The following NRG3 variants were observed in gnomAD, a reference collection of about 807,000 sequenced individuals.
The protein encoded by NRG3 is pro-neuregulin-3, membrane-bound isoform.
Under a neutral mutation model 66.9 loss-of-function variants are expected in NRG3, and 31 were observed. That is an observed-to-expected ratio of 0.46 (90% CI 0.35 to 0.63). NRG3 has a LOEUF of 0.63. Among genes scored for constraint, NRG3 ranks in the 20% least tolerant of loss-of-function variants. The pLI, the probability that NRG3 is intolerant of heterozygous loss-of-function variation, is 0.00. For synonymous variants in NRG3, 393 were observed against 359.4 expected (o/e 1.09, Z -1.06); for missense variants, 910 against 878.9 (o/e 1.04, Z -0.45).
chr10:82,848,542 G>T (rs1306655282), intron 3 of NRG3, among the ~76,000 whole-genome samples: 1 of 152,158 alleles, frequency 6.6e-6, no homozygotes, highest in Non-Finnish European at 1.5e-5. Flanking sequence ...ACTTTGGACT[G>T]TGGACTTTTG....
chr10:82,778,219 G>A (rs1301711448), intron 3 of NRG3, among the ~76,000 whole-genome samples: 1 of 152,166 alleles, frequency 6.6e-6, no homozygotes, highest in Non-Finnish European at 1.5e-5. Flanking sequence ...GGGCTTGGAT[G>A]ATGGAATTGT....
At chr10:82,147,612 G>T (rs2070352260) in intron 1 of NRG3, among the ~76,000 whole-genome samples, 1 of 152,162 alleles carries the variant, frequency 6.6e-6, no homozygotes, top group Non-Finnish European at 1.5e-5. Flanking sequence ...TGCCCAGCCT[G>T]AGCTGCCCAA....
chr10:82,569,437 A>G (rs1205543959), intron 2 of NRG3, among the ~76,000 whole-genome samples: 2 of 151,682 alleles, frequency 1.3e-5, no homozygotes, highest in Non-Finnish European at 3.0e-5. Context: ...CTGTCTTACA[A>G]TATTGTTGGG....
In NRG3 at chr10:82,765,416, T is replaced by G. The variant is rs2059477549; in HGVS notation, c.1027+26766T>G. 5.3e-5 allele frequency among the ~76,000 whole-genome samples: 8 copies of G among 152,248 alleles called. No homozygotes were observed. The South Asian group carries it at 1.7e-3, about 32-fold the overall frequency. On this transcript the variant is annotated intron_variant, in intron 3 of 8. Transcript: ENST00000372141. Reference sequence around the variant, plus strand: ...TTACACATGATACAAATGTTAGAATTATTATAGAAATGATTATAAATAAAC... The same window carrying G: ...TTACACATGATACAAATGTTAGAATGATTATAGAAATGATTATAAATAAAC...
intron 4 of NRG3, among the ~76,000 whole-genome samples, chr10:82,892,581 G>A (rs1843256354): frequency 6.6e-6 from 1 of 151,948 alleles, no homozygotes; most frequent in South Asian, 2.1e-4. Flanking sequence ...TGGAAAGATT[G>A]CTTGAACCTA....
intron 3 of NRG3, among the ~76,000 whole-genome samples, chr10:82,776,636 T>C (rs565904926): frequency 7.2e-4 from 110 of 152,140 alleles, no homozygotes; most frequent in African/African-American, 2.5e-3. Context: ...ATTTTTTTTC[T>C]CTCCGGGTTA....
chr10:82,324,084 C>G (rs1356876511), intron 1 of NRG3, among the ~76,000 whole-genome samples: 1 of 152,126 alleles, frequency 6.6e-6, no homozygotes, highest in Non-Finnish European at 1.5e-5. Context: ...AGGCTGGTGT[C>G]TAACTCCTGA....
chr10:82,951,757 T>A (rs898875068), intron 5 of NRG3, among the ~76,000 whole-genome samples, 186 bp downstream of exon 5: 2 of 152,208 alleles, frequency 1.3e-5, no homozygotes, highest in Non-Finnish European at 2.9e-5. Context: ...CATGCATGTA[T>A]GTGATGTGTA....
chr10:82,835,247 A>T (rs2062716295), intron 3 of NRG3, among the ~76,000 whole-genome samples: 1 of 152,100 alleles, frequency 6.6e-6, no homozygotes, highest in Non-Finnish European at 1.5e-5. Flanking sequence ...GATGTCCTGC[A>T]TGCTTTTATA....
chr10:82,310,658 T>C (rs1195725265), intron 1 of NRG3, among the ~76,000 whole-genome samples: 1 of 152,160 alleles, frequency 6.6e-6, no homozygotes, highest in Non-Finnish European at 1.5e-5. Context: ...CAATCATTTT[T>C]TTTTCATTGC....
At chr10:82,984,830 G>A (rs1349521260) in intron 8 of NRG3, 1 of 1,538,260 alleles carries the variant, frequency 6.5e-7, no homozygotes, top group Non-Finnish European at 8.8e-7. Flanking sequence ...CAGCTGTGGT[G>A]TGTTGAAAGA....
At chr10:82,478,930 T>TTTTTAA (rs1842007776) in intron 2 of NRG3, among the ~76,000 whole-genome samples, 1 of 152,232 alleles carries the variant, frequency 6.6e-6, no homozygotes, top group African/African-American at 2.4e-5. Flanking sequence ...CTTTTGACTC[T>TTTTTAA]ATCTGCTTTT....
intron 1 of NRG3, among the ~76,000 whole-genome samples, chr10:82,254,937 T>G (rs2077647495): frequency 6.6e-6 from 1 of 152,176 alleles, no homozygotes; most frequent in South Asian, 2.1e-4. Context: ...TATTCAGTCC[T>G]TGAGGTGTTG....
intron 1 of NRG3, among the ~76,000 whole-genome samples, chr10:82,189,661 G>A (rs2074018650): frequency 6.6e-6 from 1 of 152,082 alleles, no homozygotes; most frequent in Non-Finnish European, 1.5e-5. Flanking sequence ...GTGGCGGCAT[G>A]CTCTTGTAAT....
intron 1 of NRG3, among the ~76,000 whole-genome samples, chr10:82,287,829 A>C (rs1397761524): frequency 1.3e-5 from 2 of 152,094 alleles, no homozygotes; most frequent in African/African-American, 4.8e-5. Flanking sequence ...GGTCCAACAT[A>C]GGTTGGGACC....
intron 2 of NRG3, among the ~76,000 whole-genome samples, chr10:82,668,100 TCTC>T (rs1251848233): frequency 3.3e-5 from 5 of 152,172 alleles, no homozygotes; most frequent in Non-Finnish European, 5.9e-5. Flanking sequence ...TCTCTTTTCT[TCTC>T]CTCTTCCCTC....
intron 2 of NRG3, among the ~76,000 whole-genome samples, chr10:82,560,162 T>A (rs2044941174): frequency 6.6e-6 from 1 of 151,848 alleles, no homozygotes; most frequent in East Asian, 1.9e-4. Flanking sequence ...AAAAATGTGT[T>A]AATATATCAT....
chr10:82,508,576 T>A, intron 2 of NRG3, among the ~76,000 whole-genome samples: 1 of 152,192 alleles, frequency 6.6e-6, no homozygotes, highest in East Asian at 1.9e-4. Flanking sequence ...AAAAGACTAC[T>A]TTTTAGACTC....
At chr10:82,146,305 C>T (rs1321639487) in intron 1 of NRG3, among the ~76,000 whole-genome samples, 1 of 152,146 alleles carries the variant, frequency 6.6e-6, no homozygotes. Flanking sequence ...ATTTGTCTTA[C>T]TCCAAATGTC....
Sources: gnomAD v4.1 joint callset for allele counts (sites outside exome capture counted in the v4.1 genomes callset) on GRCh38, gnomAD v4.1.1 for gene constraint, MANE v1.5 for transcripts, NCBI Gene and HGNC (gene_info 2026-07-23, HGNC 2026-07-21) for gene names.